Variants in MYLK observed in about 807,000 individuals in gnomAD.
MYLK encodes the protein myosin light chain kinase.
In MYLK, 106 loss-of-function variants were observed where a neutral mutation model predicts 203.4. That is an observed-to-expected ratio of 0.52 (90% CI 0.45 to 0.61). MYLK has a LOEUF of 0.61. MYLK is among the 20% of genes least tolerant of loss of function. The pLI is 0.00. For missense variants in MYLK, 2,072 were observed against 2,442.3 expected (o/e 0.85, Z 3.20); for synonymous variants, 867 against 959.5 (o/e 0.90, Z 1.78).
At chr3:123,628,512 C>T (rs2058264025) in intron 30 of MYLK, among the ~76,000 whole-genome samples, 1 of 152,212 alleles carries the variant, frequency 6.6e-6, no homozygotes, top group Admixed American at 6.5e-5. Flanking sequence ...GCTCCAAGCT[C>T]CTCGGCACCC....
At chr3:123,820,865 G>A (rs754406215) in intron 3 of MYLK, among the ~76,000 whole-genome samples, 3 of 151,918 alleles carry the variant, frequency 2.0e-5, no homozygotes, top group Non-Finnish European at 4.4e-5. Context: ...CTGGGATTAC[G>A]AGTGTGCACC....
At chr3:123,754,996 A>G (rs1560176755) in intron 4 of MYLK, among the ~76,000 whole-genome samples, 3 of 152,364 alleles carry the variant, frequency 2.0e-5, no homozygotes, top group East Asian at 1.9e-4. Context: ...GCATGGGAAC[A>G]TCAGACAACA....
chr3:123,648,829 G>C lies in MYLK; in HGVS notation c.4415+142C>G. On this transcript the variant is annotated intron_variant, in intron 26 of 33. Transcript: ENST00000360304. The surrounding 1 kb of genome is among the most constrained non-coding windows in gnomAD (Gnocchi z 4.5). ...GAGTGAGTGATGCTTTCGTGGGTCA[G>C]TCCTTTGGATCCTGCAGGACTCTCA... 1.3e-6 allele frequency: 1 copy of C among 758,830 alleles called. No individual in the cohort carries two copies. The highest frequency in any genetic ancestry group is 1.5e-5 in the South Asian group (1 of 68,192). 47.0% of individuals were successfully genotyped at this position (758,830 alleles called of 1,614,324 possible). A position where few individuals can be genotyped will look rare whatever the true frequency, so the allele number is the denominator to read the frequency against.
intron 3 of MYLK, among the ~76,000 whole-genome samples, chr3:123,816,669 T>C (rs1481845760): frequency 1.3e-5 from 2 of 152,228 alleles, no homozygotes; most frequent in African/African-American, 4.8e-5. Context: ...CTTCTCCAAA[T>C]ATGCCAATAA....
intron 15 of MYLK, 107 bp downstream of exon 15, chr3:123,708,591 C>T: frequency 7.7e-7 from 1 of 1,305,508 alleles, no homozygotes; most frequent in South Asian, 1.3e-5. Context: ...CGAGAGGGCC[C>T]TCAGTGGGAA....
rs920326603 is a variant in MYLK, at chr3:123,876,184, AT to A, written c.-127+374del. 6.7e-3 allele frequency among the ~76,000 whole-genome samples: 1,013 copies of A among 150,370 alleles called. 18 individuals carry two copies. Among genetic ancestry groups the A allele is most frequent in the African/African-American group, 0.022 (925 of 41,240 alleles). On this transcript the variant is annotated intron_variant, in intron 2 of 33. Coordinates refer to ENST00000360304, the MANE Select transcript of MYLK (RefSeq NM_053025.4). ...ATTAGAAAATCAAAGTCACTGGGGT[AT>A]TTTTTTTTTAAAAAAACTATACATT...
At chr3:123,712,797 G>A (rs984645568) in intron 13 of MYLK, among the ~76,000 whole-genome samples, 3 of 152,198 alleles carry the variant, frequency 2.0e-5, no homozygotes, top group African/African-American at 7.2e-5. Flanking sequence ...AGGACTTTGG[G>A]TAGTTTTAAA....
chr3:123,689,022 A>C (rs561003497), intron 19 of MYLK, among the ~76,000 whole-genome samples: 1 of 152,162 alleles, frequency 6.6e-6, no homozygotes, highest in African/African-American at 2.4e-5. Context: ...ACCAGCTCCT[A>C]TGGCAGTGCC....
chr3:123,632,797 GTC>G (rs2058490199), intron 29 of MYLK, among the ~76,000 whole-genome samples: 1 of 145,290 alleles, frequency 6.9e-6, no homozygotes, highest in Admixed American at 6.8e-5. Flanking sequence ...AAGGGATCAT[GTC>G]TTTTAATTTT....
rs553866965 is a variant in MYLK at position 123,697,066 on chromosome 3, C to T, written c.3448+2954G>A. On this transcript the variant is annotated intron_variant, in intron 18 of 33. Transcript: ENST00000360304. ...AGCTCCTCCCGACACACTCATAGCA[C>T]TTGTCAGCACTTGGCTGTAACAATT... 3.3e-5 allele frequency among the ~76,000 whole-genome samples: 5 copies of T among 152,346 alleles called. No homozygotes were observed. The East Asian group carries it at 7.7e-4, about 24-fold the overall frequency.
chr3:123,644,179 T>C (rs577149834), intron 27 of MYLK, among the ~76,000 whole-genome samples: 3 of 152,330 alleles, frequency 2.0e-5, no homozygotes, highest in African/African-American at 7.2e-5. Context: ...ATCCTTCTTT[T>C]AATCTCAGTT....
intron 2 of MYLK, among the ~76,000 whole-genome samples, chr3:123,842,094 T>C: frequency 6.6e-6 from 1 of 152,100 alleles, no homozygotes; most frequent in East Asian, 1.9e-4. Flanking sequence ...TACAATATTA[T>C]ATACAATATC....
intron 5 of MYLK, among the ~76,000 whole-genome samples, chr3:123,751,581 T>C (rs2063194571): frequency 6.6e-6 from 1 of 152,214 alleles, no homozygotes; most frequent in South Asian, 2.1e-4. Flanking sequence ...ATAAAAACAT[T>C]GTTCATTCAT....
At chr3:123,679,256 G>C (rs1392931613) in intron 20 of MYLK, among the ~76,000 whole-genome samples, 1 of 150,066 alleles carries the variant, frequency 6.7e-6, no homozygotes, top group Admixed American at 6.6e-5. Flanking sequence ...GTAGTGAGCG[G>C]AGATCGCGCC....
intron 11 of MYLK, among the ~76,000 whole-genome samples, chr3:123,731,094 C>T (rs2062459187): frequency 6.6e-6 from 1 of 152,146 alleles, no homozygotes; most frequent in African/African-American, 2.4e-5. Flanking sequence ...TGTGGTGGAC[C>T]TGACACCATA....
chr3:123,677,906 TATATATATATATACAC>T (rs1420131555), intron 20 of MYLK, among the ~76,000 whole-genome samples: 3 of 95,154 alleles, frequency 3.2e-5, no homozygotes, highest in African/African-American at 1.3e-4. Flanking sequence ...TATATATATA[TATATATATATATACAC>T]ACACACACAC....
chr3:123,667,304 T>A (rs1302978379), intron 20 of MYLK, 117 bp from the exon 21 acceptor site: 14 of 1,010,508 alleles, frequency 1.4e-5, no homozygotes, highest in Non-Finnish European at 2.1e-5. Flanking sequence ...GACTCTTATT[T>A]GAACATGTCT....
chr3:123,680,799 A>C (rs896489575), intron 20 of MYLK, among the ~76,000 whole-genome samples: 7 of 152,254 alleles, frequency 4.6e-5, no homozygotes, highest in African/African-American at 1.7e-4. Flanking sequence ...TTCCCCTATC[A>C]GTACGGGCAA....
At chr3:123,739,442 G>A (rs1324678063) in intron 6 of MYLK, among the ~76,000 whole-genome samples, 1 of 152,198 alleles carries the variant, frequency 6.6e-6, no homozygotes, top group Non-Finnish European at 1.5e-5. Flanking sequence ...CCACTCTGCT[G>A]GTGAGATGCA....
Sources: gnomAD v4.1 joint callset for allele counts (sites outside exome capture counted in the v4.1 genomes callset) on GRCh38, gnomAD v4.1.1 for gene constraint, Gnocchi (gnomAD v3.1) non-coding constraint, MANE v1.5 for transcripts, NCBI Gene and HGNC (gene_info 2026-07-23, HGNC 2026-07-21) for gene names.